METTL9: variants seen among roughly 807,000 people sequenced by gnomAD.
METTL9 encodes methyltransferase 9, His-X-His N1(pi)-histidine, also known as protein-L-histidine N-pros-methyltransferase.
In METTL9, 10 loss-of-function variants were observed where a neutral mutation model predicts 36.0. That is an observed-to-expected ratio of 0.28 (90% CI 0.17 to 0.47). The LOEUF is 0.47. METTL9 is among the 20% of genes least tolerant of loss of function. The pLI is 0.99. For missense variants in METTL9, 246 were observed against 383.5 expected, an observed-to-expected ratio of 0.64 and a Z score of 3.00; for synonymous variants, 175 against 149.7, an observed-to-expected ratio of 1.17 and a Z score of -1.23.
At chr16:21,617,433 A>G (rs1597751624) in intron 2 of METTL9, among the ~76,000 whole-genome samples, 1 of 14,330 alleles carries the variant, frequency 7.0e-5, no homozygotes, top group East Asian at 8.3e-4. Flanking sequence ...AAAAAAAAAG[A>G]AAAAAAAAAT....
chr16:21,652,447 GA>G, intron 4 of METTL9: 1 of 1,046,856 alleles, frequency 9.6e-7, no homozygotes, highest in South Asian at 1.5e-5. Flanking sequence ...AAATTAATCT[GA>G]AGGAGCTTAA....
intron 1 of METTL9, among the ~76,000 whole-genome samples, chr16:21,605,823 A>G (rs1205306030): frequency 1.3e-5 from 2 of 152,038 alleles, no homozygotes; most frequent in Non-Finnish European, 2.9e-5. Context: ...TAATTGTTCA[A>G]TCCTGTTCTG....
At chr16:21,643,183 C>A in intron 4 of METTL9, 1 of 1,526,174 alleles carries the variant, frequency 6.6e-7, no homozygotes, top group Non-Finnish European at 9.0e-7. Flanking sequence ...AAAAAAAATT[C>A]TCTTTTGGGA....
chr16:21,623,988 C>G (rs1407305555), intron 3 of METTL9, among the ~76,000 whole-genome samples: 1 of 152,154 alleles, frequency 6.6e-6, no homozygotes, highest in Non-Finnish European at 1.5e-5. Flanking sequence ...CCTGGATGGT[C>G]TCAATCTCCT....
chr16:21,618,859 A>G (rs529060872), intron 3 of METTL9, among the ~76,000 whole-genome samples: 1 of 152,158 alleles, frequency 6.6e-6, no homozygotes, highest in South Asian at 2.1e-4. Flanking sequence ...GATTACAGGC[A>G]TATGCCACCA....
At position 21,625,377 on chromosome 16, in the gene METTL9, G is replaced by T. The variant is rs371653661; in HGVS notation, c.751+262G>T. 2.2e-5 allele frequency: 10 copies of T among 450,090 alleles called. No homozygotes were observed. The East Asian group carries it at 3.6e-4, about 16-fold the overall frequency. The allele number at this position is 450,090 out of a possible 1,614,324, so 27.9% of individuals were successfully genotyped here. On this transcript the variant is annotated intron_variant, in intron 4 of 4. Transcript: ENST00000358154. ...CTGCTTGAGATTGAAAGCTAAAAAT[G>T]CAACTGTATCTCTGGTTTTAAATGG...
chr16:21,638,242 C>G (rs1340212041), intron 4 of METTL9, among the ~76,000 whole-genome samples: 1 of 152,170 alleles, frequency 6.6e-6, no homozygotes, highest in Admixed American at 6.5e-5. Flanking sequence ...CACTTGAACC[C>G]TGGAGGCAGA....
chr16:21,603,488 A>C (rs1965191917), intron 1 of METTL9, among the ~76,000 whole-genome samples: 1 of 152,188 alleles, frequency 6.6e-6, no homozygotes, highest in Admixed American at 6.5e-5. Context: ...AGATTGACTC[A>C]CTGGGAAGAA....
chr16:21,626,836 G>A lies in METTL9; in HGVS notation c.751+1721G>A, dbSNP rs1008681632. On this transcript the variant is annotated intron_variant, in intron 4 of 4. Coordinates refer to ENST00000358154, the MANE Select transcript of METTL9 (RefSeq NM_016025.5). ...TGTCCTGTTGGGCAACCGCATGATA[G>A]AACTTTAATGCTACTTCCTGGCATA... The A allele has an allele frequency of 1.4e-5, 9 of 630,436 alleles. 1 individual carries two copies. Among genetic ancestry groups the A allele is most frequent in the Middle Eastern group, 1.5e-3 (2 of 1,300 alleles). The allele number at this position is 630,436 out of a possible 1,614,324, so 39.1% of individuals were successfully genotyped here. A position where few individuals can be genotyped will look rare whatever the true frequency, so the allele number is the denominator to read the frequency against.
At chr16:21,624,897 T>C (rs1464420414) in intron 3 of METTL9, 34 bp from the exon 4 acceptor site, 2 of 1,591,788 alleles carry the variant, frequency 1.3e-6, no homozygotes, top group African/African-American at 2.7e-5. Flanking sequence ...TTAGAGGGAC[T>C]TTATGTTAAT....
chr16:21,624,707 A>G (rs566184281), intron 3 of METTL9, among the ~76,000 whole-genome samples: 9 of 152,004 alleles, frequency 5.9e-5, no homozygotes, highest in Non-Finnish European at 1.3e-4. Context: ...AGCCTGGGCA[A>G]CAGAGTGAGG....
At chr16:21,619,227 T>C (rs1345972453) in intron 3 of METTL9, among the ~76,000 whole-genome samples, 1 of 152,148 alleles carries the variant, frequency 6.6e-6, no homozygotes, top group African/African-American at 2.4e-5. Flanking sequence ...CTGGGTTTAA[T>C]TTTTTGAGGA....
chr16:21,652,400 A>T (rs1281980541), intron 4 of METTL9: 2 of 582,478 alleles, frequency 3.4e-6, no homozygotes, highest in Admixed American at 7.8e-5. Context: ...AAGGAAACTT[A>T]TCCTCTTAGG....
In METTL9 at chr16:21,599,621, G is replaced by A; in HGVS notation, c.-113G>A. On this transcript the variant is annotated 5_prime_UTR_variant, in exon 1 of 5. Coordinates refer to ENST00000358154, the MANE Select transcript of METTL9 (RefSeq NM_016025.5). This position sits in a 1 kb window ranked among gnomAD's most constrained non-coding sequence, Gnocchi z 4.4. ...GCCCTGAAGGGGGCTGGATGGGCAAGGCGGCCGCGATGGCTCGAGCTCGGG... is the reference window on the plus strand; with the variant it reads ...GCCCTGAAGGGGGCTGGATGGGCAAAGCGGCCGCGATGGCTCGAGCTCGGG... 5 of 1,333,700 alleles carry A rather than the reference G, an allele frequency of 3.7e-6. No homozygotes were observed. Among genetic ancestry groups the A allele is most frequent in the Non-Finnish European group, 4.8e-6 (5 of 1,050,766 alleles). 82.6% of individuals were successfully genotyped at this position (1,333,700 alleles called of 1,614,324 possible). A position where few individuals can be genotyped will look rare whatever the true frequency, so the allele number is the denominator to read the frequency against.
intron 4 of METTL9, chr16:21,652,355 C>G: frequency 2.1e-6 from 1 of 487,026 alleles, no homozygotes; most frequent in Non-Finnish European, 3.6e-6. Flanking sequence ...AACTTTTTCT[C>G]AGCTATTTTT....
chr16:21,599,360 C>G (rs1010648769), upstream of METTL9: 28 of 1,019,382 alleles, frequency 2.7e-5, 1 homozygote, highest in Non-Finnish European at 3.3e-5. This position sits in a 1 kb window ranked among gnomAD's most constrained non-coding sequence, Gnocchi z 4.4. Flanking sequence ...TTACTAGAGG[C>G]CAAGGCAGGG....
intron 3 of METTL9, among the ~76,000 whole-genome samples, chr16:21,622,231 A>G (rs745492121): frequency 1.4e-5 from 2 of 147,498 alleles, no homozygotes; most frequent in Non-Finnish European, 3.0e-5. Flanking sequence ...TGTAACCTCA[A>G]ACTCTTGTGT....
At chr16:21,626,151 G>A (rs776721990) in intron 4 of METTL9, among the ~76,000 whole-genome samples, 2 of 152,114 alleles carry the variant, frequency 1.3e-5, no homozygotes, top group African/African-American at 2.4e-5. Context: ...TGATCCTCCT[G>A]TCTCTGCCTC....
At chr16:21,645,640 T>C (rs561904192) in intron 4 of METTL9, among the ~76,000 whole-genome samples, 3 of 152,208 alleles carry the variant, frequency 2.0e-5, no homozygotes, top group Non-Finnish European at 4.4e-5. Context: ...CTTAACACTT[T>C]CAATTCTGCC....
Sources: gnomAD v4.1 joint callset for allele counts (sites outside exome capture counted in the v4.1 genomes callset) on GRCh38, gnomAD v4.1.1 for gene constraint, Gnocchi (gnomAD v3.1) non-coding constraint, MANE v1.5 for transcripts, NCBI Gene and HGNC (gene_info 2026-07-23, HGNC 2026-07-21) for gene names.